The following EBAG9 variants were observed in gnomAD, a reference collection of about 807,000 sequenced individuals.
EBAG9 encodes the protein receptor-binding cancer antigen expressed on SiSo cells.
EBAG9 carries 16 observed loss-of-function variants against 30.9 expected under a neutral mutation model. The observed-to-expected ratio is 0.52, with a 90% CI of 0.35 to 0.79. EBAG9 has a LOEUF of 0.79. Ranked by LOEUF, EBAG9 falls within the 30% of genes least tolerant of loss-of-function variation. The pLI is 0.01. For missense variants in EBAG9, 197 were observed against 242.1 expected, an observed-to-expected ratio of 0.81 and a Z score of 1.24; for synonymous variants, 93 against 82.8, an observed-to-expected ratio of 1.12 and a Z score of -0.67.
intron 4 of EBAG9, among the ~76,000 whole-genome samples, chr8:109,556,450 T>C (rs889726402): frequency 6.6e-6 from 1 of 152,136 alleles, no homozygotes; most frequent in African/African-American, 2.4e-5. Flanking sequence ...CTGCTCTCAG[T>C]AGGAACCTAG....
At chr8:109,564,383 A>G in intron 6 of EBAG9, 56 bp from the exon 7 acceptor site, 1 of 1,583,286 alleles carries the variant, frequency 6.3e-7, no homozygotes, top group Non-Finnish European at 8.6e-7. Context: ...TCTAGAATTT[A>G]TTTGCCATTT....
At chr8:109,563,668 T>A in intron 6 of EBAG9, 3 of 940,490 alleles carry the variant, frequency 3.2e-6, no homozygotes. Context: ...AGGGGGTTTG[T>A]CGTACAGATA....
At chr8:109,554,672 T>C in intron 3 of EBAG9, 57 bp from the exon 4 acceptor site, 1 of 1,539,564 alleles carries the variant, frequency 6.5e-7, no homozygotes, top group Non-Finnish European at 8.8e-7. Context: ...AAATCATCAA[T>C]GATGTGTTCA....
chr8:109,556,412 G>T (rs554113300), intron 4 of EBAG9, among the ~76,000 whole-genome samples: 1 of 152,012 alleles, frequency 6.6e-6, no homozygotes, highest in Non-Finnish European at 1.5e-5. Context: ...CTTAATAGAT[G>T]AATACCTTGC....
intron 2 of EBAG9, among the ~76,000 whole-genome samples, chr8:109,552,095 A>G (rs1018918575): frequency 1.3e-5 from 2 of 152,064 alleles, no homozygotes; most frequent in African/African-American, 4.8e-5. Context: ...ATATATAGAC[A>G]TGACTTAGAG....
At chr8:109,547,638 G>T (rs1363114484) in intron 1 of EBAG9, among the ~76,000 whole-genome samples, 1 of 151,894 alleles carries the variant, frequency 6.6e-6, no homozygotes, top group Non-Finnish European at 1.5e-5. Context: ...CCGCGACCAT[G>T]CCCGGCTAAT....
At position 109,564,904 on chromosome 8, in the gene EBAG9, T is replaced by G. The variant is rs1821790099; in HGVS notation, c.*345T>G. 6.2e-6 allele frequency: 1 copy of G among 160,472 alleles called. No individual in the cohort carries two copies. The highest frequency in any genetic ancestry group is 1.4e-5 in the Non-Finnish European group (1 of 73,630). The allele number at this position is 160,472 out of a possible 1,614,324, so 9.9% of individuals were successfully genotyped here. On this transcript the variant is annotated 3_prime_UTR_variant, in exon 7 of 7. Transcript: ENST00000337573. Reference sequence around the variant, plus strand: ...ATATAATTTTATGGTGGAAAAGAACTGTACTGTCTGTTATGATTTCCTTCA... The same window carrying G: ...ATATAATTTTATGGTGGAAAAGAACGGTACTGTCTGTTATGATTTCCTTCA...
At chr8:109,563,555 T>C in intron 6 of EBAG9, 1 of 1,576,214 alleles carries the variant, frequency 6.3e-7, no homozygotes, top group South Asian at 1.2e-5. Context: ...TCACAAAGTA[T>C]GATTAGTAAA....
rs2703377 is a variant in EBAG9 at position 109,553,955 on chromosome 8, T to G, written c.162+12T>G. The G allele has an allele frequency of 0.23, 355,870 of 1,580,248 alleles. 41,974 individuals are homozygous for G. The highest frequency in any genetic ancestry group is 0.33 in the East Asian group (14,193 of 43,556). On this transcript the variant is annotated intron_variant, in intron 3 of 6. Coordinates refer to ENST00000337573, the MANE Select transcript of EBAG9 (RefSeq NM_004215.5). Reference sequence around the variant, plus strand: ...CAGTTCCTAAGCAGGTAGGTTTTTTTTGTGTGTTCTTTTGTTTTGTTTTGT... The same window carrying G: ...CAGTTCCTAAGCAGGTAGGTTTTTTGTGTGTGTTCTTTTGTTTTGTTTTGT...
At position 109,560,843 on chromosome 8, in the gene EBAG9, A is replaced by G; in HGVS notation, c.435A>G (p.Glu145=). ...QDLPFIHQSS[E]LGDLDTWQEN... ...TGTTTTACTTTTCATTGTAGTCTGA[A>G]TTAGGTGACTTAGATACCTGGCAGG... Residue 145 remains glutamate (E), a synonymous_variant, in exon 6 of 7, where the codon GAA becomes GAG. Transcript: ENST00000337573. 1 of 1,612,070 alleles carries G rather than the reference A, an allele frequency of 6.2e-7. No individual in the cohort carries two copies. The highest frequency in any genetic ancestry group is 1.1e-5 in the South Asian group (1 of 90,970).
upstream of EBAG9, chr8:109,539,985 A>G (rs1454439618): frequency 6.6e-6 from 1 of 152,240 alleles, no homozygotes; most frequent in Non-Finnish European, 1.5e-5. Flanking sequence ...TCCCGACCCC[A>G]GCCCTAGCCT....
chr8:109,558,409 T>G (rs984177862), intron 5 of EBAG9, among the ~76,000 whole-genome samples: 7 of 152,138 alleles, frequency 4.6e-5, no homozygotes, highest in African/African-American at 1.4e-4. Context: ...CCATAAATAC[T>G]TAGCTGAATA....
chr8:109,550,753 G>A (rs925052040), intron 1 of EBAG9, 57 bp from the exon 2 acceptor site: 11 of 988,580 alleles, frequency 1.1e-5, no homozygotes, highest in African/African-American at 1.6e-5. Context: ...TTTCAGGACA[G>A]GAGTATGACT....
At chr8:109,547,397 T>G (rs138998714) in intron 1 of EBAG9, among the ~76,000 whole-genome samples, 110 of 152,284 alleles carry the variant, frequency 7.2e-4, no homozygotes, top group African/African-American at 2.2e-3. Flanking sequence ...TATGTAATAA[T>G]TTCTCACTGT....
At chr8:109,540,987 C>A (rs990030451) in intron 1 of EBAG9, among the ~76,000 whole-genome samples, 3 of 151,980 alleles carry the variant, frequency 2.0e-5, no homozygotes, top group African/African-American at 7.3e-5. Flanking sequence ...AGAATTTCAA[C>A]AAGAAAAGAT....
At chr8:109,553,308 CTG>C (rs925508922) in intron 2 of EBAG9, among the ~76,000 whole-genome samples, 1 of 152,146 alleles carries the variant, frequency 6.6e-6, no homozygotes, top group Non-Finnish European at 1.5e-5. Flanking sequence ...ACATTGAAAA[CTG>C]TGGTTTACAC....
In EBAG9 at chr8:109,553,864, G is replaced by A; in HGVS notation, c.84-1G>A. On this transcript the variant is annotated splice_acceptor_variant, in intron 2 of 6. Transcript: ENST00000337573. LOFTEE classifies it high-confidence loss of function. The stretch of plus-strand genomic sequence containing the variant: ...AATAAATTATTTCATTTTTGTTTCA[G>A]ATCTGGCAGAGGACGGAAATTAAGT... 1 of 1,604,392 alleles carries A rather than the reference G, an allele frequency of 6.2e-7. No individual in the cohort carries two copies. Among genetic ancestry groups the A allele is most frequent in the Non-Finnish European group, 8.5e-7 (1 of 1,177,068 alleles).
In EBAG9 at chr8:109,560,840, T is replaced by C. The variant is rs1821696139; in HGVS notation, c.432T>C (p.Ser144=). ...TQDLPFIHQS[S]ELGDLDTWQE... ...TTTTGTTTTACTTTTCATTGTAGTC[T>C]GAATTAGGTGACTTAGATACCTGGC... The change falls in exon 6 of 7, where the codon TCT becomes TCC. Residue 144 remains serine (S), a splice_region_variant and synonymous_variant. Coordinates refer to ENST00000337573, the MANE Select transcript of EBAG9 (RefSeq NM_004215.5). The C allele has an allele frequency of 6.2e-7, 1 of 1,611,118 alleles. No homozygotes were observed. The highest frequency in any genetic ancestry group is 1.3e-5 in the African/African-American group (1 of 74,898).
chr8:109,546,275 T>C (rs1324716817), intron 1 of EBAG9, among the ~76,000 whole-genome samples: 2 of 152,196 alleles, frequency 1.3e-5, no homozygotes, highest in African/African-American at 2.4e-5. Context: ...TAGATTGTTT[T>C]AACAGCTCTT....
Sources: allele counts gnomAD v4.1 joint callset (sites outside exome capture counted in the v4.1 genomes callset), GRCh38; gene constraint gnomAD v4.1.1; transcripts MANE v1.5; gene names NCBI Gene and HGNC (gene_info 2026-07-23, HGNC 2026-07-21).